Variants in CHST11 observed in about 807,000 individuals in gnomAD.
CHST11 encodes the protein C4S-1.
Under a neutral mutation model 30.4 loss-of-function variants are expected in CHST11, and 9 were observed. The observed-to-expected ratio is 0.30, with a 90% CI of 0.18 to 0.52. The LOEUF is 0.52. Among genes scored for constraint, CHST11 ranks in the 20% least tolerant of loss-of-function variants. The pLI is 0.97. For missense variants in CHST11, 348 were observed against 460.6 expected, an observed-to-expected ratio of 0.76 and a Z score of 2.24; for synonymous variants, 152 against 187.8, an observed-to-expected ratio of 0.81 and a Z score of 1.56.
Position 104,661,109 on chromosome 12 carries a change from C to T in CHST11, c.204+59118C>T, listed in dbSNP as rs75368191. Among the ~76,000 whole-genome samples, 1,232 of 152,320 alleles carry T rather than the reference C, an allele frequency of 8.1e-3. 23 individuals are homozygous for T. The highest frequency in any genetic ancestry group is 0.028 in the African/African-American group (1,171 of 41,556). On this transcript the variant is annotated intron_variant, in intron 2 of 2. Transcript: ENST00000303694. ...CTGTGCCCAAATCCTGACATAGCTT[C>T]GCCTGAGTTCTGTGTCTCTGAGCAA...
At chr12:104,704,947 C>G (rs1444218109) in intron 2 of CHST11, among the ~76,000 whole-genome samples, 1 of 152,004 alleles carries the variant, frequency 6.6e-6, no homozygotes, top group Non-Finnish European at 1.5e-5. Context: ...TATTTAGTGG[C>G]ATAGGTTTCT....
chr12:104,622,617 G>A (rs1592799808), intron 2 of CHST11, among the ~76,000 whole-genome samples: 1 of 152,196 alleles, frequency 6.6e-6, no homozygotes, highest in East Asian at 1.9e-4. Flanking sequence ...CCTGAACGTC[G>A]AGCCTAGAGA....
In CHST11 at chr12:104,602,007, T is replaced by A. The variant is rs2038961221; in HGVS notation, c.204+16T>A. The A allele has an allele frequency of 6.3e-7, 1 of 1,581,844 alleles. No individual in the cohort carries two copies. The highest frequency in any genetic ancestry group is 8.6e-7 in the Non-Finnish European group (1 of 1,165,632). ...CCCAATCCAGGTAAGCTTCAAGCAC[T>A]CTGTCAGCATGTGAATTTTTTTTTT... is the stretch of plus-strand genomic sequence containing the variant. On this transcript the variant is annotated intron_variant, in intron 2 of 2. Transcript: ENST00000303694.
intron 2 of CHST11, among the ~76,000 whole-genome samples, chr12:104,664,934 G>T (rs974046438): frequency 1.3e-5 from 2 of 152,170 alleles, no homozygotes; most frequent in Non-Finnish European, 2.9e-5. Context: ...ACCTCAACCC[G>T]GAGGCAAACC....
At chr12:104,724,182 G>A (rs538325368) in intron 2 of CHST11, among the ~76,000 whole-genome samples, 370 of 152,278 alleles carry the variant, frequency 2.4e-3, no homozygotes, top group Non-Finnish European at 4.1e-3. Context: ...CCTTCAAGTG[G>A]TGAGAAGGGC....
At chr12:104,599,049 C>T (rs559967635) in intron 1 of CHST11, among the ~76,000 whole-genome samples, 46 of 152,292 alleles carry the variant, frequency 3.0e-4, no homozygotes, top group Admixed American at 2.3e-3. Flanking sequence ...CTTCCTTTAC[C>T]GTGGGAAGGA....
At chr12:104,492,606 G>A (rs17035655) in intron 1 of CHST11, among the ~76,000 whole-genome samples, 21,114 of 152,236 alleles carry the variant, frequency 0.14, 1,596 homozygotes, top group Middle Eastern at 0.19. Context: ...TTTGGAAGTT[G>A]CAAGTAAAGA....
intron 1 of CHST11, among the ~76,000 whole-genome samples, chr12:104,568,264 G>A (rs2038588079): frequency 1.3e-5 from 2 of 152,160 alleles, no homozygotes; most frequent in Non-Finnish European, 2.9e-5. Flanking sequence ...GCAGTGTGTT[G>A]TTGCTGCTCT....
chr12:104,666,171 C>T (rs1870468878), intron 2 of CHST11, among the ~76,000 whole-genome samples: 1 of 152,032 alleles, frequency 6.6e-6, no homozygotes, highest in Non-Finnish European at 1.5e-5. Flanking sequence ...AGATTGAATA[C>T]TTTATTTAAA....
At chr12:104,705,703 T>C (rs1331551407) in intron 2 of CHST11, among the ~76,000 whole-genome samples, 2 of 152,200 alleles carry the variant, frequency 1.3e-5, no homozygotes, top group East Asian at 3.9e-4. Context: ...GGAGGATTGT[T>C]TGGGGCCAGG....
At chr12:104,695,687 T>C (rs2039937559) in intron 2 of CHST11, among the ~76,000 whole-genome samples, 1 of 152,230 alleles carries the variant, frequency 6.6e-6, no homozygotes, top group African/African-American at 2.4e-5. Context: ...TTGATAGATT[T>C]TTTTAATTCT....
chr12:104,511,258 A>T (rs111765059), intron 1 of CHST11, among the ~76,000 whole-genome samples: 11 of 151,984 alleles, frequency 7.2e-5, no homozygotes, highest in African/African-American at 2.7e-4. Context: ...CCTTCTCCTC[A>T]CCTCCCTTCA....
At chr12:104,574,710 G>T (rs1477893062) in intron 1 of CHST11, among the ~76,000 whole-genome samples, 2 of 152,038 alleles carry the variant, frequency 1.3e-5, no homozygotes, top group Admixed American at 6.6e-5. Context: ...GGTCTGTTGT[G>T]GGGTGGGGGT....
intron 1 of CHST11, among the ~76,000 whole-genome samples, chr12:104,549,052 T>C (rs987944423): frequency 2.0e-5 from 3 of 152,128 alleles, no homozygotes; most frequent in African/African-American, 7.2e-5. Flanking sequence ...CCAACCACGG[T>C]GATAAATGAG....
In CHST11 at chr12:104,587,586, T is replaced by C. The variant is rs1482853647; in HGVS notation, c.119-14320T>C. Among the ~76,000 whole-genome samples the C allele has an allele frequency of 2.6e-5, 4 of 152,048 alleles. No homozygotes were observed. The East Asian group carries it at 5.8e-4, about 22-fold the overall frequency. On this transcript the variant is annotated intron_variant, in intron 1 of 2. Transcript: ENST00000303694. ...GTGGTGTTTGTATTTTTTGTAGAGA[T>C]GGGGTTTTGTCCTGTTGCCCAGGCA...
chr12:104,626,938 C>T (rs1002262500), intron 2 of CHST11, among the ~76,000 whole-genome samples: 19 of 152,096 alleles, frequency 1.2e-4, no homozygotes, highest in African/African-American at 4.3e-4. Context: ...CATGTAGCCA[C>T]GTGTCATTAT....
chr12:104,657,107 G>A (rs566307991), intron 2 of CHST11, among the ~76,000 whole-genome samples: 4 of 152,212 alleles, frequency 2.6e-5, no homozygotes, highest in East Asian at 3.9e-4. Context: ...CCTCAGCTCC[G>A]GGCTGTCAGC....
chr12:104,656,997 T>G (rs1213495881), intron 2 of CHST11, among the ~76,000 whole-genome samples: 2 of 128,054 alleles, frequency 1.6e-5, no homozygotes, highest in Admixed American at 1.6e-4. Context: ...CATCGTCTGA[T>G]CAAACTTCAT....
intron 2 of CHST11, among the ~76,000 whole-genome samples, chr12:104,690,619 A>G (rs758080700): frequency 1.1e-4 from 17 of 152,192 alleles, no homozygotes; most frequent in Non-Finnish European, 2.2e-4. Flanking sequence ...TGAGCCCAAG[A>G]GTTCTAGACC....
Sources: gnomAD v4.1 joint callset for allele counts (sites outside exome capture counted in the v4.1 genomes callset) on GRCh38, gnomAD v4.1.1 for gene constraint, MANE v1.5 for transcripts, NCBI Gene and HGNC (gene_info 2026-07-23, HGNC 2026-07-21) for gene names.